Variants in BEST3 observed in about 807,000 individuals in gnomAD.
BEST3 encodes the protein bestrophin 3.
A neutral mutation model predicts 47.1 loss-of-function variants in BEST3; 50 were observed. That is an observed-to-expected ratio of 1.06 (90% CI 0.85 to 1.34). The LOEUF (loss-of-function observed/expected upper bound fraction) is 1.34, where lower values mean the gene tolerates loss of function less well. Ranked by LOEUF, BEST3 falls within the 40% of genes most tolerant of loss-of-function variation. The pLI is 0.00. For synonymous variants in BEST3, 282 were observed against 298.8 expected, an observed-to-expected ratio of 0.94 and a Z score of 0.58; for missense variants, 765 against 817.0, an observed-to-expected ratio of 0.94 and a Z score of 0.78.
intron 4 of BEST3, 24 bp downstream of exon 4, chr12:69,693,650 G>A (rs1886014908): frequency 2.0e-6 from 3 of 1,534,804 alleles, no homozygotes; most frequent in Non-Finnish European, 1.8e-6. Context: ...AAGAGCCCAT[G>A]GAAGGAAAAG....
At chr12:69,652,409 T>C (rs1244857885), downstream of BEST3, among the ~76,000 whole-genome samples, 1 of 152,194 alleles carries the variant, frequency 6.6e-6, no homozygotes, top group Non-Finnish European at 1.5e-5. Context: ...AACCGTGGTC[T>C]GTGTTGAGTA....
Position 69,677,014 on chromosome 12 carries a change from A to T in BEST3, c.769T>A (p.Phe257Ile). The T allele has an allele frequency of 6.2e-7, 1 of 1,614,172 alleles. No homozygotes were observed. The highest frequency in any genetic ancestry group is 8.5e-7 in the Non-Finnish European group (1 of 1,180,022). The change falls in exon 7 of 10, where the codon TTT (phenylalanine) becomes ATT (isoleucine). Residue 257 changes from phenylalanine (F) to isoleucine (I), a missense_variant. Coordinates refer to ENST00000330891, the MANE Select transcript of BEST3 (RefSeq NM_032735.3). ...FFFACLIGRQ[F>I]LDPTKGYAGH... ...GCGTAGCCTTTGGTGGGATCCAAAA[A>T]CTGGCGTCCAATCAGGCACGCAAAG...
At chr12:69,697,191 G>A (rs944483051) in intron 2 of BEST3, among the ~76,000 whole-genome samples, 1 of 152,122 alleles carries the variant, frequency 6.6e-6, no homozygotes, top group Non-Finnish European at 1.5e-5. Flanking sequence ...TTCATTCCAG[G>A]CCAAAAGAAG....
At chr12:69,696,012 T>C (rs1565846039) in intron 2 of BEST3, among the ~76,000 whole-genome samples, 1 of 152,152 alleles carries the variant, frequency 6.6e-6, no homozygotes, top group Non-Finnish European at 1.5e-5. Flanking sequence ...ATCTGGTTCC[T>C]CCTTATAATT....
chr12:69,670,525 C>T (rs755724499), intron 9 of BEST3: 1 of 702,858 alleles, frequency 1.4e-6, no homozygotes. Context: ...CAAACCATCA[C>T]TGATGGGGAT....
At chr12:69,690,633 C>A (rs1885884658) in intron 4 of BEST3, among the ~76,000 whole-genome samples, 1 of 152,158 alleles carries the variant, frequency 6.6e-6, no homozygotes, top group South Asian at 2.1e-4. Flanking sequence ...AATGCACTCT[C>A]TTCATTTCAA....
intron 4 of BEST3, chr12:69,689,089 G>A (rs994669947): frequency 2.7e-5 from 27 of 985,328 alleles, no homozygotes; most frequent in Non-Finnish European, 3.1e-5. Flanking sequence ...CTGCCCTCAG[G>A]CAGGAGCAGG....
At chr12:69,668,501 G>C (rs1167500033) in intron 9 of BEST3, among the ~76,000 whole-genome samples, 2 of 152,134 alleles carry the variant, frequency 1.3e-5, no homozygotes, top group African/African-American at 4.8e-5. Context: ...CCTTCCCCTT[G>C]CCCTTAGCCT....
chr12:69,698,605 G>C (rs944159774), intron 1 of BEST3, among the ~76,000 whole-genome samples: 1 of 152,100 alleles, frequency 6.6e-6, no homozygotes, highest in African/African-American at 2.4e-5. Flanking sequence ...GGATCTATGA[G>C]GAGAGTCTTA....
Position 69,654,214 on chromosome 12 carries a change from A to T in BEST3, c.*693T>A. ...GGCAAGAGGAAATATTATAACCTGAAAAATGGGACAGATTACTAGAAAAGC... is the reference window on the plus strand; with the variant it reads ...GGCAAGAGGAAATATTATAACCTGATAAATGGGACAGATTACTAGAAAAGC... On this transcript the variant is annotated 3_prime_UTR_variant, in exon 10 of 10. Transcript: ENST00000330891. The T allele has an allele frequency of 5.1e-6, 5 of 985,244 alleles. No individual in the cohort carries two copies. Among genetic ancestry groups the T allele is most frequent in the Non-Finnish European group, 6.0e-6 (5 of 829,766 alleles). The allele number at this position is 985,244 out of a possible 1,614,324, so 61.0% of individuals were successfully genotyped here.
At chr12:69,645,334 C>T (rs1882998620) in intron 9 of BEST3, among the ~76,000 whole-genome samples, 1 of 152,118 alleles carries the variant, frequency 6.6e-6, no homozygotes, top group Non-Finnish European at 1.5e-5. Flanking sequence ...AGTTTCCTTA[C>T]CTATAAAATG....
Position 69,653,875 on chromosome 12 carries a change from G to A in BEST3, c.*1032C>T, listed in dbSNP as rs529301414. 7 of 985,316 alleles carry A rather than the reference G, an allele frequency of 7.1e-6. No homozygotes were observed. Among genetic ancestry groups the A allele is most frequent in the Non-Finnish European group, 8.4e-6 (7 of 829,952 alleles). 61.0% of individuals were successfully genotyped at this position (985,316 alleles called of 1,614,324 possible). On this transcript the variant is annotated 3_prime_UTR_variant, in exon 10 of 10. Transcript: ENST00000330891. ...CTGGTCCCGTGTTGCGACACGATTA[G>A]GATTTTTGCATAAGAGTTCAAGTTA...
intron 4 of BEST3, among the ~76,000 whole-genome samples, chr12:69,693,186 A>G (rs1364263678): frequency 6.6e-6 from 1 of 151,228 alleles, no homozygotes; most frequent in Non-Finnish European, 1.5e-5. Flanking sequence ...TCTGGCACAT[A>G]GTAGGTAATC....
chr12:69,656,993 G>T (rs184826115), intron 9 of BEST3, among the ~76,000 whole-genome samples: 1 of 152,152 alleles, frequency 6.6e-6, no homozygotes, highest in Non-Finnish European at 1.5e-5. Context: ...CTTGCATCGC[G>T]ATTGGGCTCT....
At chr12:69,672,492 G>A (rs569613266) in intron 8 of BEST3, among the ~76,000 whole-genome samples, 13 of 152,346 alleles carry the variant, frequency 8.5e-5, no homozygotes, top group South Asian at 2.1e-4. Flanking sequence ...TGGGATTGAC[G>A]TGATACCACT....
intron 4 of BEST3, chr12:69,689,019 G>A (rs1004902527): frequency 1.3e-5 from 11 of 846,090 alleles, no homozygotes; most frequent in African/African-American, 1.1e-4. Flanking sequence ...AAGGTCCCTC[G>A]TGCCCTTAAC....
At chr12:69,686,525 A>G (rs950810825) in intron 4 of BEST3, among the ~76,000 whole-genome samples, 1 of 152,178 alleles carries the variant, frequency 6.6e-6, no homozygotes, top group Non-Finnish European at 1.5e-5. Context: ...CTGTAATCCC[A>G]GTAATTTGAG....
chr12:69,678,630 C>A, intron 5 of BEST3, 109 bp downstream of exon 5: 2 of 1,059,510 alleles, frequency 1.9e-6, no homozygotes, highest in Non-Finnish European at 1.4e-6. Context: ...TCCAGTTCCT[C>A]TGGAACCAGG....
chr12:69,650,980 G>A (rs1028221003), downstream of BEST3, among the ~76,000 whole-genome samples: 2 of 152,230 alleles, frequency 1.3e-5, no homozygotes, highest in Non-Finnish European at 2.9e-5. Flanking sequence ...GCACAGTGGT[G>A]CATGTCTGTA....
Sources: allele counts gnomAD v4.1 joint callset (sites outside exome capture counted in the v4.1 genomes callset), GRCh38; gene constraint gnomAD v4.1.1; transcripts MANE v1.5; gene names NCBI Gene and HGNC (gene_info 2026-07-23, HGNC 2026-07-21).